Variants in FBXW7 observed in about 807,000 individuals in gnomAD.
FBXW7 encodes the protein F-box/WD repeat-containing protein 7.
In FBXW7, 11 loss-of-function variants were observed where a neutral mutation model predicts 86.3. The observed-to-expected ratio is 0.13, with a 90% CI of 0.08 to 0.21. FBXW7 has a LOEUF of 0.21. FBXW7 is among the 10% of genes least tolerant of loss of function. The pLI, the probability that FBXW7 is intolerant of heterozygous loss-of-function variation, is 1.00. For synonymous variants in FBXW7, 313 were observed against 297.9 expected (o/e 1.05, Z -0.52); for missense variants, 488 against 847.4 (o/e 0.58, Z 5.27).
chr4:152,501,912 T>C (rs1689915784), intron 2 of FBXW7, among the ~76,000 whole-genome samples: 1 of 152,162 alleles, frequency 6.6e-6, no homozygotes, highest in Non-Finnish European at 1.5e-5. Context: ...AATCCTTTTA[T>C]CCATGAAAAA....
chr4:152,401,184 CCTT>C (rs1452793831), intron 4 of FBXW7, among the ~76,000 whole-genome samples: 3 of 152,202 alleles, frequency 2.0e-5, no homozygotes, highest in African/African-American at 7.2e-5. Flanking sequence ...GAATCACACT[CCTT>C]GGCATTTACG....
intron 4 of FBXW7, among the ~76,000 whole-genome samples, chr4:152,368,657 G>C (rs1395424277): frequency 6.6e-6 from 1 of 151,844 alleles, no homozygotes; most frequent in Non-Finnish European, 1.5e-5. Flanking sequence ...AAATTTTGGG[G>C]GCTTCAGTAG....
intron 2 of FBXW7, among the ~76,000 whole-genome samples, chr4:152,442,212 A>AT (rs1254644290): frequency 6.6e-6 from 1 of 152,174 alleles, no homozygotes; most frequent in Non-Finnish European, 1.5e-5. Context: ...TCCTCAGGGT[A>AT]TTATATGCTT....
intron 4 of FBXW7, among the ~76,000 whole-genome samples, chr4:152,378,383 T>C (rs925536101): frequency 6.6e-6 from 1 of 152,186 alleles, no homozygotes; most frequent in Non-Finnish European, 1.5e-5. Context: ...CTCAGATGCA[T>C]AAATCCTTGT....
intron 4 of FBXW7, among the ~76,000 whole-genome samples, chr4:152,365,771 G>C (rs541775469): frequency 1.5e-4 from 23 of 152,272 alleles, no homozygotes; most frequent in African/African-American, 5.3e-4. Flanking sequence ...GGTTGGAGAT[G>C]AAAATATGTG....
intron 2 of FBXW7, among the ~76,000 whole-genome samples, chr4:152,423,094 T>C (rs1739085936): frequency 6.6e-6 from 1 of 152,212 alleles, no homozygotes; most frequent in Non-Finnish European, 1.5e-5. Flanking sequence ...TGTTCCTTTG[T>C]CTAATAATGT....
chr4:152,415,548 TTTA>T (rs1200899117), intron 2 of FBXW7, among the ~76,000 whole-genome samples: 1 of 152,126 alleles, frequency 6.6e-6, no homozygotes, highest in Non-Finnish European at 1.5e-5. Context: ...AAATTAATAA[TTTA>T]TTAATTACTA....
chr4:152,332,540 G>T, intron 8 of FBXW7, 56 bp downstream of exon 8: 1 of 1,416,518 alleles, frequency 7.1e-7, no homozygotes, highest in Non-Finnish European at 9.4e-7. Context: ...CTTGTTTTCA[G>T]AATCACTCTG....
At chr4:152,530,954 A>G (rs1160887211) in intron 2 of FBXW7, 1 of 152,226 alleles carries the variant, frequency 6.6e-6, no homozygotes, top group Non-Finnish European at 1.5e-5. Flanking sequence ...CTCTTTCTCT[A>G]CACAATGAGA....
chr4:152,436,617 T>G (rs78115945), intron 2 of FBXW7, among the ~76,000 whole-genome samples: 2,085 of 152,310 alleles, frequency 0.014, 26 homozygotes, highest in Middle Eastern at 0.037. Flanking sequence ...GCTGGACAGG[T>G]GAAGTCAATA....
chr4:152,496,316 A>G (rs1320005482), intron 2 of FBXW7, among the ~76,000 whole-genome samples: 6 of 152,214 alleles, frequency 3.9e-5, no homozygotes, highest in Admixed American at 1.3e-4. Flanking sequence ...AAGTATTTTT[A>G]TAAAAATTTG....
At chr4:152,463,637 G>T (rs75180441) in intron 2 of FBXW7, among the ~76,000 whole-genome samples, 2,085 of 152,292 alleles carry the variant, frequency 0.014, 26 homozygotes, top group Middle Eastern at 0.037. Flanking sequence ...CAACCATATA[G>T]CAAGCATTGT....
At chr4:152,378,161 G>C (rs1734727701) in intron 4 of FBXW7, among the ~76,000 whole-genome samples, 1 of 152,088 alleles carries the variant, frequency 6.6e-6, no homozygotes. Context: ...GTGGACTCCT[G>C]ATTTAAGATG....
chr4:152,463,736 A>C (rs1743171140), intron 2 of FBXW7, among the ~76,000 whole-genome samples: 1 of 152,204 alleles, frequency 6.6e-6, no homozygotes, highest in African/African-American at 2.4e-5. Context: ...CACTAAGAAA[A>C]ATGTGGTATT....
chr4:152,432,038 G>A (rs1189861573), intron 2 of FBXW7, among the ~76,000 whole-genome samples: 1 of 152,152 alleles, frequency 6.6e-6, no homozygotes, highest in African/African-American at 2.4e-5. Context: ...GTTTTCTCTG[G>A]TTCTGTAGTC....
At chr4:152,526,868 C>G (rs1749560471) in intron 2 of FBXW7, among the ~76,000 whole-genome samples, 1 of 151,968 alleles carries the variant, frequency 6.6e-6, no homozygotes. Context: ...AAAAAAAGCC[C>G]AACAGTTCTG....
intron 2 of FBXW7, among the ~76,000 whole-genome samples, chr4:152,449,680 A>T (rs1741734065): frequency 1.3e-5 from 2 of 152,338 alleles, no homozygotes; most frequent in Middle Eastern, 3.4e-3. Context: ...AGATTATTTT[A>T]AAAACCACAA....
intron 4 of FBXW7, among the ~76,000 whole-genome samples, chr4:152,353,390 A>G (rs1732049274): frequency 6.6e-6 from 1 of 152,204 alleles, no homozygotes; most frequent in Non-Finnish European, 1.5e-5. Context: ...GTATTTTGGT[A>G]TTGATTTAAT....
intron 2 of FBXW7, among the ~76,000 whole-genome samples, chr4:152,520,439 C>CA (rs58890384): frequency 0.066 from 3,935 of 59,946 alleles, 104 homozygotes; most frequent in Middle Eastern, 0.13. Flanking sequence ...GACTCCGTCT[C>CA]AAAAAAAAAA....
Sources: allele counts gnomAD v4.1 joint callset (sites outside exome capture counted in the v4.1 genomes callset), GRCh38; gene constraint gnomAD v4.1.1; transcripts MANE v1.5; gene names NCBI Gene and HGNC (gene_info 2026-07-23, HGNC 2026-07-21).